Variants in FAM98B observed in about 807,000 individuals in gnomAD.
FAM98B encodes tRNA splicing ligase complex subunit 3B, also known as tRNA-splicing ligase complex subunit FAM98B.
In FAM98B, 32 loss-of-function variants were observed where a neutral mutation model predicts 43.9. The ratio of observed to expected loss-of-function variants is 0.73; its 90% CI spans 0.55 to 0.98. The LOEUF is 0.98. FAM98B is among the 50% of genes least tolerant of loss of function. The pLI is 0.00. For missense variants in FAM98B, 514 were observed against 522.9 expected, an observed-to-expected ratio of 0.98 and a Z score of 0.17; for synonymous variants, 190 against 174.0, an observed-to-expected ratio of 1.09 and a Z score of -0.72.
intron 3 of FAM98B, among the ~76,000 whole-genome samples, chr15:38,466,677 A>G (rs1027455706): frequency 6.6e-6 from 1 of 152,186 alleles, no homozygotes; most frequent in African/African-American, 2.4e-5. Flanking sequence ...AAGACGAAAA[A>G]GTTCTGAAGA....
intron 1 of FAM98B, 119 bp downstream of exon 1, chr15:38,454,351 T>G: frequency 1.0e-6 from 1 of 998,802 alleles, no homozygotes; most frequent in Non-Finnish European, 1.5e-6. Context: ...CCTCCTTCCC[T>G]GCCTCGATCC....
chr15:38,456,006 G>A (rs183007731), intron 1 of FAM98B, among the ~76,000 whole-genome samples: 15 of 152,318 alleles, frequency 9.8e-5, no homozygotes, highest in Non-Finnish European at 1.8e-4. Context: ...ATGGAACACT[G>A]TGTTTTCAAA....
In FAM98B at chr15:38,487,122, T is replaced by C. The variant is rs1471492064; in HGVS notation, c.*2463T>C. On this transcript the variant is annotated 3_prime_UTR_variant, in exon 8 of 8. Coordinates refer to ENST00000397609, the MANE Select transcript of FAM98B (RefSeq NM_173611.4). ...AAGTAGTCATCTTTCCTCTCGACCG[T>C]ATAAAGAGCATGTATTCTGTCTATA... 6.6e-6 allele frequency: 1 copy of C among 152,042 alleles called. No homozygotes were observed. Among genetic ancestry groups the C allele is most frequent in the African/African-American group, 2.4e-5 (1 of 41,410 alleles). The allele number at this position is 152,042 out of a possible 1,614,324, so 9.4% of individuals were successfully genotyped here. A position where few individuals can be genotyped will look rare whatever the true frequency, so the allele number is the denominator to read the frequency against.
chr15:38,462,637 GAATTTGTAAATGTTATTA>G (rs1369529769), intron 1 of FAM98B, among the ~76,000 whole-genome samples: 1 of 152,034 alleles, frequency 6.6e-6, no homozygotes, highest in African/African-American at 2.4e-5. Flanking sequence ...TATATATTAG[GAATTTGTAAATGTTATTA>G]AAACAAGAAT....
At chr15:38,477,349 G>A (rs1411304030) in intron 6 of FAM98B, among the ~76,000 whole-genome samples, 1 of 151,874 alleles carries the variant, frequency 6.6e-6, no homozygotes, top group Non-Finnish European at 1.5e-5. Flanking sequence ...AGGAGTAGCA[G>A]CATGTCACCA....
At position 38,484,335 on chromosome 15, in the gene FAM98B, A is replaced by G. The variant is rs565546204; in HGVS notation, c.978A>G (p.Gln326=). 2.5e-5 allele frequency: 38 copies of G among 1,541,990 alleles called. 1 individual carries two copies. In the South Asian group the frequency reaches 3.6e-4, roughly 15 times the overall value. ...EPPPPEMPPW[Q]KRQEGGGGRG... ...CACCTCCAGAAATGCCCCCTTGGCA[A>G]AAGAGACAAGAAGGCGGCGGTGGAA... The change falls in exon 8 of 8, where the codon CAA becomes CAG. Residue 326 remains glutamine (Q), a synonymous_variant. Transcript: ENST00000397609.
In FAM98B at chr15:38,464,291, G is replaced by T; in HGVS notation, c.217+114G>T. On this transcript the variant is annotated intron_variant, in intron 2 of 7. Transcript: ENST00000397609. ...ACAAAGAAAAATCACATATTCCAAA[G>T]AATTTCAGTATGTGGTAGTAAACAT... is the stretch of plus-strand genomic sequence containing the variant. The T allele has an allele frequency of 9.9e-6, 10 of 1,014,230 alleles. No individual in the cohort carries two copies. The South Asian group carries it at 2.6e-4, about 26-fold the overall frequency. 62.8% of individuals were successfully genotyped at this position (1,014,230 alleles called of 1,614,324 possible).
rs531642723 is a variant in FAM98B at position 38,485,372 on chromosome 15, A to G, written c.*713A>G. 4 of 152,334 alleles carry G rather than the reference A, an allele frequency of 2.6e-5. No individual in the cohort carries two copies. Among genetic ancestry groups the G allele is most frequent in the African/African-American group, 9.6e-5 (4 of 41,592 alleles). 9.4% of individuals were successfully genotyped at this position (152,334 alleles called of 1,614,324 possible). On this transcript the variant is annotated 3_prime_UTR_variant, in exon 8 of 8. Transcript: ENST00000397609. ...TTTAATGGAGCAAAGACACATACCA[A>G]CTTTACATGACGGTGTGAGAAATAG... is the stretch of plus-strand genomic sequence containing the variant.
intron 3 of FAM98B, among the ~76,000 whole-genome samples, chr15:38,469,591 C>G (rs1353136562): frequency 6.6e-6 from 1 of 151,594 alleles, no homozygotes; most frequent in Non-Finnish European, 1.5e-5. Flanking sequence ...CACACCGTTC[C>G]TGGCTCAGAA....
chr15:38,463,043 T>G (rs1889973830), intron 1 of FAM98B, among the ~76,000 whole-genome samples: 1 of 152,196 alleles, frequency 6.6e-6, no homozygotes, highest in Non-Finnish European at 1.5e-5. Flanking sequence ...TCAAGTATAT[T>G]ATCTGTGACT....
chr15:38,459,155 C>A, intron 1 of FAM98B: 1 of 348,530 alleles, frequency 2.9e-6, no homozygotes, highest in Non-Finnish European at 5.7e-6. Context: ...CTTGAGTGGT[C>A]TCCTCAATCT....
chr15:38,460,546 CTTTAT>C (rs1566897053), intron 1 of FAM98B, among the ~76,000 whole-genome samples: 1 of 152,110 alleles, frequency 6.6e-6, no homozygotes, highest in Non-Finnish European at 1.5e-5. Flanking sequence ...GAATTAGAAT[CTTTAT>C]TTTAACAAGA....
At chr15:38,482,230 G>C (rs1362957087) in intron 7 of FAM98B, 1 of 152,332 alleles carries the variant, frequency 6.6e-6, no homozygotes, top group Non-Finnish European at 1.5e-5. Flanking sequence ...GCTAACTATT[G>C]CTAAGTTAGG....
At chr15:38,454,341 C>A in intron 1 of FAM98B, 109 bp downstream of exon 1, 1 of 1,110,180 alleles carries the variant, frequency 9.0e-7, no homozygotes, top group Non-Finnish European at 1.3e-6. Context: ...CATGTGTAGG[C>A]CTCCTTCCCT....
Position 38,454,240 on chromosome 15 carries a change from C to T in FAM98B, c.71+8C>T. On this transcript the variant is annotated splice_region_variant and intron_variant, in intron 1 of 7. Coordinates refer to ENST00000397609, the MANE Select transcript of FAM98B (RefSeq NM_173611.4). Reference sequence around the variant, plus strand: ...CACACTGGAGGCGCTGGGGTGAGTGCTTTTGGAGACGCCTTTTCCCTGAAA... The same window carrying T: ...CACACTGGAGGCGCTGGGGTGAGTGTTTTTGGAGACGCCTTTTCCCTGAAA... 1 of 1,597,700 alleles carries T rather than the reference C, an allele frequency of 6.3e-7. No homozygotes were observed. Among genetic ancestry groups the T allele is most frequent in the Non-Finnish European group, 8.5e-7 (1 of 1,173,646 alleles).
intron 3 of FAM98B, 41 bp downstream of exon 3, chr15:38,465,444 G>A: frequency 6.7e-7 from 1 of 1,498,850 alleles, no homozygotes; most frequent in Non-Finnish European, 8.9e-7. Context: ...GTTTGACATG[G>A]TTTTTATTAT....
intron 6 of FAM98B, among the ~76,000 whole-genome samples, chr15:38,480,909 A>G (rs1034148276): frequency 6.6e-6 from 1 of 152,142 alleles, no homozygotes; most frequent in South Asian, 2.1e-4. Flanking sequence ...TAATGTTCCC[A>G]TACAGAAACT....
chr15:38,462,860 T>A (rs1253701892), intron 1 of FAM98B, among the ~76,000 whole-genome samples: 2 of 152,188 alleles, frequency 1.3e-5, no homozygotes, highest in Non-Finnish European at 2.9e-5. Flanking sequence ...CTTGGAGAAA[T>A]GCCTGATTCC....
rs143907386 is a variant in FAM98B at position 38,458,581 on chromosome 15, T to C, written c.71+4349T>C. Among the ~76,000 whole-genome samples, 28 of 152,256 alleles carry C rather than the reference T, an allele frequency of 1.8e-4. No individual in the cohort carries two copies. In the East Asian group the frequency reaches 5.2e-3, roughly 28 times the overall value. Reference sequence around the variant, plus strand: ...GTTCTGGGTATTGTTGGTCTGGCATTTGCCTACTTGGCATCTAAGCTGTCC... The same window carrying C: ...GTTCTGGGTATTGTTGGTCTGGCATCTGCCTACTTGGCATCTAAGCTGTCC... On this transcript the variant is annotated intron_variant, in intron 1 of 7. Coordinates refer to ENST00000397609, the MANE Select transcript of FAM98B (RefSeq NM_173611.4).
Sources: gnomAD v4.1 joint callset for allele counts (sites outside exome capture counted in the v4.1 genomes callset) on GRCh38, gnomAD v4.1.1 for gene constraint, MANE v1.5 for transcripts, NCBI Gene and HGNC (gene_info 2026-07-23, HGNC 2026-07-21) for gene names.